Variants in SEMA6D observed in about 807,000 individuals in gnomAD.
SEMA6D encodes the protein semaphorin 6D.
In SEMA6D, 35 loss-of-function variants were observed where a neutral mutation model predicts 106.6. That is an observed-to-expected ratio of 0.33 (90% CI 0.25 to 0.44). The LOEUF is 0.44. Among genes scored for constraint, SEMA6D ranks in the 20% least tolerant of loss-of-function variants. SEMA6D has a pLI of 1.00. For missense variants in SEMA6D, 1,185 were observed against 1,345.9 expected (o/e 0.88, Z 1.87); for synonymous variants, 499 against 487.7 (o/e 1.02, Z -0.31).
At chr15:47,269,732 A>T (rs2034474135) in intron 1 of SEMA6D, among the ~76,000 whole-genome samples, 1 of 152,128 alleles carries the variant, frequency 6.6e-6, no homozygotes, top group Non-Finnish European at 1.5e-5. Context: ...GAGATACTTC[A>T]TTCATTCCAT....
chr15:47,211,414 A>T (rs548672774), intron 1 of SEMA6D, among the ~76,000 whole-genome samples: 1 of 152,186 alleles, frequency 6.6e-6, no homozygotes, highest in Non-Finnish European at 1.5e-5. Context: ...CAAAATGAGG[A>T]TATATTTTCC....
At chr15:47,300,380 A>G (rs2035973311) in intron 1 of SEMA6D, among the ~76,000 whole-genome samples, 2 of 152,018 alleles carry the variant, frequency 1.3e-5, no homozygotes, top group East Asian at 3.9e-4. Flanking sequence ...AGTCAAGTTA[A>G]AACACGTATT....
upstream of SEMA6D, chr15:47,717,108 G>A (rs1369141515): frequency 6.6e-6 from 1 of 152,360 alleles, no homozygotes; most frequent in African/African-American, 2.4e-5. Flanking sequence ...GGGAAAGAGG[G>A]AGGGAATCGA....
At chr15:47,598,974 A>G (rs1397779577) in intron 3 of SEMA6D, among the ~76,000 whole-genome samples, 2 of 152,102 alleles carry the variant, frequency 1.3e-5, no homozygotes, top group Non-Finnish European at 2.9e-5. Flanking sequence ...GTCACTTTTC[A>G]TATCATCCTA....
At chr15:47,199,635 A>C (rs1450626941) in intron 1 of SEMA6D, among the ~76,000 whole-genome samples, 1 of 152,128 alleles carries the variant, frequency 6.6e-6, no homozygotes, top group Non-Finnish European at 1.5e-5. Context: ...AGAGCTAGAA[A>C]TTTATTTATT....
intron 4 of SEMA6D, among the ~76,000 whole-genome samples, chr15:47,650,347 C>G (rs891348631): frequency 6.6e-6 from 1 of 152,194 alleles, no homozygotes; most frequent in African/African-American, 2.4e-5. Flanking sequence ...GCATGGCAAC[C>G]TCTCTGTCCA....
chr15:47,509,471 A>G (rs1274203693), intron 3 of SEMA6D, among the ~76,000 whole-genome samples: 1 of 152,120 alleles, frequency 6.6e-6, no homozygotes, highest in Non-Finnish European at 1.5e-5. Context: ...CTTGGAATCT[A>G]TGATCACCAC....
chr15:47,696,322 T>G (rs1382503616), intron 4 of SEMA6D, among the ~76,000 whole-genome samples: 1 of 152,210 alleles, frequency 6.6e-6, no homozygotes, highest in Non-Finnish European at 1.5e-5. Flanking sequence ...ATTGCAATTC[T>G]GTAAGTCTCC....
rs1303768417 is a variant in SEMA6D at position 47,581,684 on chromosome 15, G to T, written c.-86-19181G>T. On this transcript the variant is annotated intron_variant, in intron 3 of 19. Coordinates refer to the SEMA6D transcript ENST00000558014. ...GGACCAGAGCAAAGGACAGGGGGTT[G>T]GGAACAGTAGCTGGTTTCAACTCAT... Among the ~76,000 whole-genome samples the T allele has an allele frequency of 5.3e-5, 8 of 152,298 alleles. No individual in the cohort carries two copies. The South Asian group carries it at 8.3e-4, about 16-fold the overall frequency.
chr15:47,669,440 A>C (rs935956468), intron 4 of SEMA6D, among the ~76,000 whole-genome samples: 32 of 152,136 alleles, frequency 2.1e-4, no homozygotes, highest in African/African-American at 7.2e-4. Flanking sequence ...CTGTTAGCTA[A>C]ATGAATGGCT....
At chr15:47,367,712 ACACACACACACAC>A (rs1567031199) in intron 1 of SEMA6D, among the ~76,000 whole-genome samples, 2,226 of 150,134 alleles carry the variant, frequency 0.015, 59 homozygotes, top group African/African-American at 0.053. Flanking sequence ...ACACACACAC[ACACACACACACAC>A]ACAGAGAGAG....
At position 47,318,079 on chromosome 15, in the gene SEMA6D, C is replaced by T. The variant is rs1353296919; in HGVS notation, c.-238-94314C>T. Among the ~76,000 whole-genome samples, 10 of 135,346 alleles carry T rather than the reference C, an allele frequency of 7.4e-5. No homozygotes were observed. The South Asian group carries it at 9.2e-4, about 12-fold the overall frequency. The allele number at this position is 135,346 out of a possible 152,430, so 88.8% of individuals were successfully genotyped here. On this transcript the variant is annotated intron_variant, in intron 1 of 19. Coordinates refer to the SEMA6D transcript ENST00000558014. ...CATCTTTATTTTAATATTTACTTCC[C>T]GATTGGCCTTCAAAACATCTTGACA... is the stretch of plus-strand genomic sequence containing the variant.
At chr15:47,245,057 T>C (rs62014000) in intron 1 of SEMA6D, among the ~76,000 whole-genome samples, 1,768 of 152,046 alleles carry the variant, frequency 0.012, 33 homozygotes, top group Admixed American at 0.012. Context: ...CTGTGTGGTA[T>C]TCCATGGTAT....
intron 4 of SEMA6D, among the ~76,000 whole-genome samples, chr15:47,685,502 T>C (rs1211967540): frequency 1.3e-5 from 2 of 152,046 alleles, no homozygotes; most frequent in Non-Finnish European, 2.9e-5. Context: ...AGGAAGGAGA[T>C]GGGAGGGAAT....
chr15:47,196,225 A>C (rs1327421178), intron 1 of SEMA6D, among the ~76,000 whole-genome samples: 4 of 152,080 alleles, frequency 2.6e-5, no homozygotes, highest in Admixed American at 2.6e-4. Flanking sequence ...GACATCCCTA[A>C]TGCTGCCAGA....
chr15:47,352,576 A>G (rs1269301521), intron 1 of SEMA6D, among the ~76,000 whole-genome samples: 1 of 152,184 alleles, frequency 6.6e-6, no homozygotes, highest in African/African-American at 2.4e-5. Flanking sequence ...ATGGATGAAG[A>G]ACTTTCTATT....
At chr15:47,367,688 GCGCGCACACACACACACA>G (rs992844862) in intron 1 of SEMA6D, among the ~76,000 whole-genome samples, 11 of 44,254 alleles carry the variant, frequency 2.5e-4, no homozygotes, top group African/African-American at 8.7e-4. Flanking sequence ...ACGCGCGCGC[GCGCGCACACACACACACA>G]CACACACACA....
chr15:47,350,401 T>C (rs1022866037), intron 1 of SEMA6D, among the ~76,000 whole-genome samples: 6 of 152,170 alleles, frequency 3.9e-5, no homozygotes, highest in African/African-American at 1.2e-4. Flanking sequence ...ATCTTTGAAA[T>C]TGGATACTCA....
chr15:47,668,196 A>G (rs1253913010), intron 4 of SEMA6D, among the ~76,000 whole-genome samples: 1 of 152,200 alleles, frequency 6.6e-6, no homozygotes, highest in Admixed American at 6.5e-5. Context: ...TCTTTCATGT[A>G]CCTGGTGGCC....
Sources: allele counts gnomAD v4.1 joint callset (sites outside exome capture counted in the v4.1 genomes callset), GRCh38; gene constraint gnomAD v4.1.1; transcripts MANE v1.5; gene names NCBI Gene and HGNC (gene_info 2026-07-23, HGNC 2026-07-21).